Variants in GRIA2 observed in about 807,000 individuals in gnomAD.
GRIA2 encodes the protein glutamate ionotropic receptor AMPA type subunit 2.
GRIA2 carries 14 observed loss-of-function variants against 97.3 expected under a neutral mutation model. The observed-to-expected ratio is 0.14, with a 90% CI of 0.10 to 0.23. GRIA2 has a LOEUF of 0.23. GRIA2 is among the 10% of genes least tolerant of loss of function. The probability of loss-of-function intolerance (pLI) is 1.00; values close to 1 mark genes in which losing one functional copy is unlikely to be tolerated. For missense variants in GRIA2, 558 were observed against 1,069.8 expected (o/e 0.52, Z 6.67); for synonymous variants, 412 against 387.8 (o/e 1.06, Z -0.73).
At chr4:157,285,040 T>A (rs6846050) in intron 2 of GRIA2, among the ~76,000 whole-genome samples, 8,029 of 151,782 alleles carry the variant, frequency 0.053, 296 homozygotes, top group Middle Eastern at 0.14. Flanking sequence ...ACATATCTAC[T>A]GTCAGTATAT....
At chr4:157,273,908 T>C (rs1272815065) in intron 2 of GRIA2, among the ~76,000 whole-genome samples, 1 of 152,032 alleles carries the variant, frequency 6.6e-6, no homozygotes, top group African/African-American at 2.4e-5. Context: ...TAAAACCCCA[T>C]ACCTATCTAC....
chr4:157,272,971 A>G (rs920727828), intron 2 of GRIA2, among the ~76,000 whole-genome samples: 4 of 152,042 alleles, frequency 2.6e-5, no homozygotes, highest in African/African-American at 9.7e-5. Flanking sequence ...GTCTGTAGTA[A>G]ACCCATCATA....
chr4:157,272,079 G>GT (rs1732052479), intron 2 of GRIA2, among the ~76,000 whole-genome samples: 1 of 151,992 alleles, frequency 6.6e-6, no homozygotes, highest in Admixed American at 6.6e-5. Context: ...TGAGTTGTTT[G>GT]TTTTTTAAAA....
At chr4:157,363,310 T>G (rs1736718788) in intron 15 of GRIA2, 125 bp from the exon 16 acceptor site, 1 of 606,238 alleles carries the variant, frequency 1.6e-6, no homozygotes, top group Non-Finnish European at 2.5e-6. Context: ...CTGTTTGCTT[T>G]CATTTGCTAG....
At position 157,348,140 on chromosome 4, in the gene GRIA2, A is replaced by G. The variant is rs1175122844; in HGVS notation, c.2043+6678A>G. 2.0e-5 allele frequency among the ~76,000 whole-genome samples: 3 copies of G among 152,084 alleles called. 1 individual carries two copies. The highest frequency in any genetic ancestry group is 6.3e-3 in the Middle Eastern group (2 of 316). On this transcript the variant is annotated intron_variant, in intron 12 of 15. Transcript: ENST00000264426. ...AAAAAAAAAAAGAAAATTTGATATT[A>G]AAGTAATTTATATTTTGCATTTCTA...
intron 2 of GRIA2, among the ~76,000 whole-genome samples, chr4:157,297,671 G>A (rs988708745): frequency 1.6e-4 from 24 of 152,108 alleles, no homozygotes; most frequent in Admixed American, 6.6e-4. Flanking sequence ...GGTCAGAGCC[G>A]CCCAAGATTC....
chr4:157,262,027 T>C (rs1456917744), intron 2 of GRIA2, among the ~76,000 whole-genome samples: 1 of 152,120 alleles, frequency 6.6e-6, no homozygotes, highest in East Asian at 1.9e-4. Context: ...CTGGGAAATA[T>C]AACGTCCTCT....
intron 2 of GRIA2, among the ~76,000 whole-genome samples, chr4:157,238,655 A>G (rs1730356695): frequency 6.6e-6 from 1 of 152,118 alleles, no homozygotes; most frequent in Non-Finnish European, 1.5e-5. Context: ...ATCCATTACA[A>G]AACACTGCTG....
chr4:157,338,854 T>C (rs1367204383), intron 11 of GRIA2, among the ~76,000 whole-genome samples: 1 of 152,026 alleles, frequency 6.6e-6, no homozygotes, highest in Non-Finnish European at 1.5e-5. Context: ...TATCATTTTT[T>C]AAGAATGCAA....
At chr4:157,348,458 C>T (rs993445779) in intron 12 of GRIA2, among the ~76,000 whole-genome samples, 1 of 152,092 alleles carries the variant, frequency 6.6e-6, no homozygotes, top group Admixed American at 6.6e-5. Flanking sequence ...AGGCTGGTCT[C>T]GAGCTCCTGG....
At chr4:157,355,901 A>ATAT (rs1560781006) in intron 12 of GRIA2, among the ~76,000 whole-genome samples, 1 of 2,674 alleles carries the variant, frequency 3.7e-4, no homozygotes, top group Non-Finnish European at 1.8e-3. Flanking sequence ...ATTTATATAT[A>ATAT]AATATATATA....
intron 2 of GRIA2, among the ~76,000 whole-genome samples, chr4:157,224,901 A>T (rs1412549549): frequency 6.6e-6 from 1 of 152,114 alleles, no homozygotes; most frequent in Non-Finnish European, 1.5e-5. Context: ...ACATTATTAG[A>T]TGATAGGTAT....
chr4:157,221,578 C>T, intron 1 of GRIA2, 89 bp from the exon 2 acceptor site: 1 of 1,348,482 alleles, frequency 7.4e-7, no homozygotes, highest in Non-Finnish European at 1.0e-6. Context: ...GAATAAGAGA[C>T]TCTTGGATTT....
intron 12 of GRIA2, among the ~76,000 whole-genome samples, chr4:157,352,581 G>A (rs1736057493): frequency 6.6e-6 from 1 of 151,818 alleles, no homozygotes; most frequent in African/African-American, 2.4e-5. Flanking sequence ...ATAGCCGGGT[G>A]TGGTGATGGG....
At chr4:157,266,897 A>G (rs936208513) in intron 2 of GRIA2, among the ~76,000 whole-genome samples, 20 of 152,018 alleles carry the variant, frequency 1.3e-4, no homozygotes, top group African/African-American at 4.8e-4. Context: ...TGTCTCTACA[A>G]AAATATTTAA....
intron 2 of GRIA2, among the ~76,000 whole-genome samples, chr4:157,271,665 A>T (rs1451041594): frequency 1.3e-5 from 2 of 152,042 alleles, no homozygotes; most frequent in East Asian, 3.9e-4. Context: ...ACCACTGGTC[A>T]TTGGTGATCG....
intron 2 of GRIA2, among the ~76,000 whole-genome samples, chr4:157,274,135 G>A (rs1185257637): frequency 3.9e-5 from 6 of 151,908 alleles, no homozygotes; most frequent in African/African-American, 1.4e-4. Context: ...TTATCATTTA[G>A]TAGTGAAGAG....
At chr4:157,304,474 A>G (rs1444835187) in intron 3 of GRIA2, among the ~76,000 whole-genome samples, 1 of 152,128 alleles carries the variant, frequency 6.6e-6, no homozygotes, top group African/African-American at 2.4e-5. Flanking sequence ...GTATTAGCAG[A>G]CTTGCTTGAT....
intron 12 of GRIA2, chr4:157,342,589 T>G (rs1038882530): frequency 3.6e-6 from 1 of 281,318 alleles, no homozygotes; most frequent in Non-Finnish European, 5.4e-6. Flanking sequence ...GTATTATCAT[T>G]TCTAAACATA....
Sources: allele counts gnomAD v4.1 joint callset (sites outside exome capture counted in the v4.1 genomes callset), GRCh38; gene constraint gnomAD v4.1.1; transcripts MANE v1.5; gene names NCBI Gene and HGNC (gene_info 2026-07-23, HGNC 2026-07-21).